Variants in FAR2 observed in about 807,000 individuals in gnomAD.
FAR2 encodes epididymis secretory protein Li 81.
Under a neutral mutation model 56.0 loss-of-function variants are expected in FAR2, and 19 were observed. The ratio of observed to expected loss-of-function variants is 0.34; its 90% CI spans 0.24 to 0.50. FAR2 has a LOEUF of 0.50. FAR2 is among the 20% of genes least tolerant of loss of function. FAR2 has a pLI of 0.98. For synonymous variants in FAR2, 219 were observed against 218.8 expected (o/e 1.00, Z -0.01); for missense variants, 508 against 642.2 (o/e 0.79, Z 2.26).
intron 1 of FAR2, among the ~76,000 whole-genome samples, chr12:29,253,220 G>GATATCTATCTCT (rs1948246492): frequency 2.0e-5 from 1 of 50,364 alleles, no homozygotes; most frequent in Admixed American, 1.7e-4. Flanking sequence ...TCTATATATC[G>GATATCTATCTCT]ATATCTATCT....
At chr12:29,233,042 T>C (rs527746112) in intron 1 of FAR2, among the ~76,000 whole-genome samples, 1 of 152,194 alleles carries the variant, frequency 6.6e-6, no homozygotes, top group Non-Finnish European at 1.5e-5. Flanking sequence ...TCCAGTCTCT[T>C]GCCCCTGTTC....
intron 1 of FAR2, among the ~76,000 whole-genome samples, chr12:29,184,899 A>C (rs1403081621): frequency 2.0e-5 from 3 of 152,146 alleles, no homozygotes; most frequent in Non-Finnish European, 2.9e-5. Flanking sequence ...GAATAGGTAA[A>C]AATATCATCA....
intron 1 of FAR2, among the ~76,000 whole-genome samples, chr12:29,206,543 C>G (rs1338368575): frequency 6.6e-6 from 1 of 152,202 alleles, no homozygotes; most frequent in African/African-American, 2.4e-5. Context: ...TTTAGTGCCT[C>G]TGGCCCCTTT....
At chr12:29,332,037 C>T (rs1949738668) in intron 10 of FAR2, 1 of 153,756 alleles carries the variant, frequency 6.5e-6, no homozygotes, top group African/African-American at 2.4e-5. Context: ...TTCCCTACTC[C>T]TCCCCCATGT....
intron 1 of FAR2, among the ~76,000 whole-genome samples, chr12:29,269,984 G>A (rs960503758): frequency 6.6e-6 from 1 of 152,082 alleles, no homozygotes; most frequent in Non-Finnish European, 1.5e-5. Flanking sequence ...CCTTGGCCTG[G>A]GACACCATGA....
chr12:29,166,621 A>G (rs570925488), intron 1 of FAR2, among the ~76,000 whole-genome samples: 87 of 152,304 alleles, frequency 5.7e-4, no homozygotes, highest in African/African-American at 1.9e-3. Context: ...GTCCATGTGG[A>G]TGAACATTCA....
chr12:29,251,281 C>G (rs1948206297), intron 1 of FAR2, among the ~76,000 whole-genome samples: 1 of 152,180 alleles, frequency 6.6e-6, no homozygotes, highest in South Asian at 2.1e-4. Context: ...GGCCAGGTCC[C>G]TTGAGGAAGG....
intron 9 of FAR2, among the ~76,000 whole-genome samples, chr12:29,318,909 G>T (rs1305996177): frequency 6.6e-6 from 1 of 152,064 alleles, no homozygotes; most frequent in African/African-American, 2.4e-5. Context: ...AGTGCCAGGT[G>T]ACCCTCCCTA....
At chr12:29,274,289 T>C (rs982153927) in intron 2 of FAR2, among the ~76,000 whole-genome samples, 16 of 148,534 alleles carry the variant, frequency 1.1e-4, no homozygotes, top group African/African-American at 2.5e-4. Flanking sequence ...TGAGAACATG[T>C]GGTGTTTGGT....
At chr12:29,263,103 A>G (rs1358691853) in intron 1 of FAR2, among the ~76,000 whole-genome samples, 2 of 152,202 alleles carry the variant, frequency 1.3e-5, no homozygotes, top group Non-Finnish European at 2.9e-5. Context: ...GGATATAATA[A>G]TTGTAAATAT....
intron 2 of FAR2, among the ~76,000 whole-genome samples, chr12:29,276,068 C>T (rs1311135382): frequency 6.6e-6 from 1 of 152,148 alleles, no homozygotes; most frequent in Admixed American, 6.5e-5. Context: ...TGTGAATCTC[C>T]ATACGACCAA....
At chr12:29,225,113 G>A (rs759761973) in intron 1 of FAR2, among the ~76,000 whole-genome samples, 1 of 152,114 alleles carries the variant, frequency 6.6e-6, no homozygotes, top group Non-Finnish European at 1.5e-5. Flanking sequence ...GTGCACTCTC[G>A]TAGTCCTAGC....
At chr12:29,153,319 G>A (rs1949696132) in intron 1 of FAR2, among the ~76,000 whole-genome samples, 1 of 152,086 alleles carries the variant, frequency 6.6e-6, no homozygotes, top group Non-Finnish European at 1.5e-5. Flanking sequence ...TTGGAAAGAA[G>A]CATAGGGGTT....
chr12:29,257,332 G>A (rs1002453823), intron 1 of FAR2, among the ~76,000 whole-genome samples: 2 of 152,116 alleles, frequency 1.3e-5, no homozygotes, highest in East Asian at 1.9e-4. Flanking sequence ...TGGTGGGGAC[G>A]TGGAGAACCT....
intron 1 of FAR2, among the ~76,000 whole-genome samples, chr12:29,209,561 C>T (rs1947518659): frequency 6.6e-6 from 1 of 152,116 alleles, no homozygotes; most frequent in Non-Finnish European, 1.5e-5. Flanking sequence ...AATTCCAGTT[C>T]TGCTGGAGGA....
At chr12:29,248,639 G>A (rs765135864) in intron 1 of FAR2, among the ~76,000 whole-genome samples, 3 of 152,204 alleles carry the variant, frequency 2.0e-5, no homozygotes, top group Non-Finnish European at 4.4e-5. Flanking sequence ...AGGAGACAGG[G>A]TTTTGACAGC....
chr12:29,206,627 C>A (rs541164704), intron 1 of FAR2, among the ~76,000 whole-genome samples: 22 of 152,182 alleles, frequency 1.4e-4, no homozygotes, highest in Non-Finnish European at 2.6e-4. Context: ...ACAATTTCTG[C>A]CTCTAATTGG....
chr12:29,321,739 T>C, intron 9 of FAR2, 56 bp from the exon 10 acceptor site: 2 of 1,594,052 alleles, frequency 1.3e-6, no homozygotes, highest in Middle Eastern at 1.7e-4. Flanking sequence ...TACATCCCTG[T>C]AGAGTGACAG....
chr12:29,157,896 G>T (rs569762170), intron 1 of FAR2, among the ~76,000 whole-genome samples: 9 of 152,310 alleles, frequency 5.9e-5, no homozygotes, highest in African/African-American at 2.2e-4. Context: ...AATCTGCCCA[G>T]AAGAAATGGA....
Sources: allele counts gnomAD v4.1 joint callset (sites outside exome capture counted in the v4.1 genomes callset), GRCh38; gene constraint gnomAD v4.1.1; transcripts MANE v1.5; gene names NCBI Gene and HGNC (gene_info 2026-07-23, HGNC 2026-07-21).